The following DZIP3 variants were observed in gnomAD, a reference collection of about 807,000 sequenced individuals.
DZIP3 encodes the protein DAZ interacting zinc finger protein 3, also known as E3 ubiquitin-protein ligase DZIP3.
A neutral mutation model predicts 162.0 loss-of-function variants in DZIP3; 118 were observed. The observed-to-expected ratio is 0.73, with a 90% CI of 0.63 to 0.85. The LOEUF (loss-of-function observed/expected upper bound fraction) is 0.85, where lower values mean the gene tolerates loss of function less well. Among genes scored for constraint, DZIP3 ranks in the 40% least tolerant of loss-of-function variants. The pLI, the probability that DZIP3 is intolerant of heterozygous loss-of-function variation, is 0.00. For missense variants in DZIP3, 1,331 were observed against 1,407.0 expected, an observed-to-expected ratio of 0.95 and a Z score of 0.86; for synonymous variants, 438 against 458.6, an observed-to-expected ratio of 0.96 and a Z score of 0.57.
intron 21 of DZIP3, among the ~76,000 whole-genome samples, chr3:108,667,611 T>C (rs1401113596): frequency 2.0e-5 from 3 of 152,148 alleles, no homozygotes; most frequent in Admixed American, 6.5e-5. Context: ...TATTATACAG[T>C]AGTTTTGCAA....
At chr3:108,677,972 G>A (rs903734466) in intron 26 of DZIP3, among the ~76,000 whole-genome samples, 9 of 151,960 alleles carry the variant, frequency 5.9e-5, no homozygotes, top group Non-Finnish European at 1.3e-4. Flanking sequence ...TGCACAGCAG[G>A]AGGTGAGCAG....
intron 1 of DZIP3, among the ~76,000 whole-genome samples, chr3:108,599,734 T>C (rs567383007): frequency 6.6e-6 from 1 of 152,118 alleles, no homozygotes; most frequent in Non-Finnish European, 1.5e-5. Context: ...GGAGCCTTCA[T>C]GAGCAGGATT....
intron 1 of DZIP3, among the ~76,000 whole-genome samples, chr3:108,590,615 G>T (rs982638281): frequency 6.6e-6 from 1 of 152,220 alleles, no homozygotes; most frequent in Non-Finnish European, 1.5e-5. Context: ...AGTATCCCCT[G>T]CTGCGAGGGA....
chr3:108,686,680 A>C, intron 28 of DZIP3, 96 bp downstream of exon 28: 1 of 1,329,656 alleles, frequency 7.5e-7, no homozygotes, highest in Non-Finnish European at 9.8e-7. Context: ...AAACATAACA[A>C]ACACAAAAAA....
intron 22 of DZIP3, among the ~76,000 whole-genome samples, chr3:108,669,971 T>C (rs933690624): frequency 2.0e-5 from 3 of 151,930 alleles, no homozygotes; most frequent in Admixed American, 1.3e-4. Flanking sequence ...AGAAAACTGC[T>C]AGAAGAATCT....
intron 21 of DZIP3, 78 bp downstream of exon 21, chr3:108,662,335 C>T: frequency 6.9e-7 from 1 of 1,451,168 alleles, no homozygotes; most frequent in South Asian, 1.5e-5. Flanking sequence ...TCTGCATAAC[C>T]ACTAGGTGGC....
chr3:108,685,091 A>G (rs1420920257), intron 27 of DZIP3, among the ~76,000 whole-genome samples: 1 of 152,122 alleles, frequency 6.6e-6, no homozygotes, highest in Non-Finnish European at 1.5e-5. Flanking sequence ...TCCTTTTGAA[A>G]TACATGGTCA....
At chr3:108,653,507 G>GTGTATATATATATA (rs1273159630) in intron 18 of DZIP3, among the ~76,000 whole-genome samples, 61 of 104,558 alleles carry the variant, frequency 5.8e-4, no homozygotes, top group Non-Finnish European at 9.7e-4. Flanking sequence ...GTGTGTGTGT[G>GTGTATATATATATA]TATATATATA....
chr3:108,595,872 C>G (rs1253992800), intron 1 of DZIP3, among the ~76,000 whole-genome samples: 2 of 152,134 alleles, frequency 1.3e-5, no homozygotes, highest in East Asian at 3.9e-4. Flanking sequence ...TCATTCATCT[C>G]CTGTATATTT....
chr3:108,592,559 G>A (rs1939483339), intron 1 of DZIP3, among the ~76,000 whole-genome samples: 1 of 151,884 alleles, frequency 6.6e-6, no homozygotes, highest in Non-Finnish European at 1.5e-5. Flanking sequence ...GATGGGTGTG[G>A]GTGGTGCATG....
intron 7 of DZIP3, 100 bp from the exon 8 acceptor site, chr3:108,628,962 C>T: frequency 1.5e-6 from 1 of 674,652 alleles, no homozygotes; most frequent in Non-Finnish European, 2.5e-6. Flanking sequence ...GTTATCACCA[C>T]CCTATTTACC....
At position 108,616,632 on chromosome 3, in the gene DZIP3, G is replaced by A; in HGVS notation, c.350G>A (p.Arg117Lys). Reference protein sequence around the residue: ...FLITQLEAALRNIQAGNYTAH... With the variant: ...FLITQLEAALKNIQAGNYTAH... Reference sequence around the variant, plus strand: ...ATTACACAGCTAGAAGCAGCACTTAGGAACATTCAAGCTGGCAATTATACC... The same window carrying A: ...ATTACACAGCTAGAAGCAGCACTTAAGAACATTCAAGCTGGCAATTATACC... Residue 117 changes from arginine (R) to lysine (K), a missense_variant, in exon 5 of 33, where the codon AGG becomes AAG. Coordinates refer to ENST00000361582, the MANE Select transcript of DZIP3 (RefSeq NM_014648.4). 2.5e-6 allele frequency: 4 copies of A among 1,597,510 alleles called. No individual in the cohort carries two copies. Among genetic ancestry groups the A allele is most frequent in the Non-Finnish European group, 3.4e-6 (4 of 1,172,930 alleles).
At position 108,611,179 on chromosome 3, in the gene DZIP3, A is replaced by T; in HGVS notation, c.108A>T (p.Lys36Asn). ...TAATCAATAATGTCTTCTAGAACAA[A>T]CAGGAAAATGACATACCTACTGATC... ...KLEKSSGQLN[K>N]QENDIPTDLV... is the part of the protein sequence containing the mutation. The change falls in exon 4 of 33, where the codon AAA becomes AAT. Residue 36 changes from lysine (K) to asparagine (N), a missense_variant. Lys to Asn is a moderately conservative substitution (Grantham distance 94, BLOSUM62 0). Transcript: ENST00000361582. The T allele has an allele frequency of 6.3e-7, 1 of 1,585,706 alleles. No individual in the cohort carries two copies. The highest frequency in any genetic ancestry group is 8.5e-7 in the Non-Finnish European group (1 of 1,172,724).
At position 108,651,500 on chromosome 3, in the gene DZIP3, A is replaced by G. The variant is rs117825449; in HGVS notation, c.2033+338A>G. ...CTAGACCAAACCTCAACTAAGACCTAATTTTAAAGGATGCATCACTCCTAG... is the reference window on the plus strand; with the variant it reads ...CTAGACCAAACCTCAACTAAGACCTGATTTTAAAGGATGCATCACTCCTAG... On this transcript the variant is annotated intron_variant, in intron 18 of 32. Transcript: ENST00000361582. Among the ~76,000 whole-genome samples the G allele has an allele frequency of 1.4e-3, 208 of 151,638 alleles. 3 individuals carry two copies. The East Asian group carries it at 0.038, about 27-fold the overall frequency.
At chr3:108,661,808 A>G in intron 19 of DZIP3, 69 bp from the exon 20 acceptor site, 1 of 1,291,296 alleles carries the variant, frequency 7.7e-7, no homozygotes, top group African/African-American at 1.5e-5. Flanking sequence ...GGCAACTTTA[A>G]ATCCCTTTCA....
At chr3:108,589,699 G>T (rs1346662276), upstream of DZIP3, 3 of 247,846 alleles carry the variant, frequency 1.2e-5, no homozygotes, top group Non-Finnish European at 2.4e-5. Context: ...GAGAGGAATC[G>T]GTTAGGAGAA....
Position 108,688,887 on chromosome 3 carries a change from T to C in DZIP3, c.3479T>C (p.Leu1160Pro). ...CATGAGAATCTGTCTCCAGAAAATC[T>C]TTCAGTTTTGCCTTGCGCTCACAAA... ...ICHENLSPEN[L>P]SVLPCAHKFH... The change falls in exon 31 of 33, where the codon CTT becomes CCT. Residue 1160 changes from leucine (L) to proline (P), a missense_variant. Physicochemically the swap from Leu to Pro is moderately conservative, Grantham distance 98. Transcript: ENST00000361582. 6.2e-7 allele frequency: 1 copy of C among 1,614,196 alleles called. No homozygotes were observed. Among genetic ancestry groups the C allele is most frequent in the South Asian group, 1.1e-5 (1 of 91,076 alleles).
chr3:108,662,058 T>C (rs879550859), intron 20 of DZIP3, 72 bp from the exon 21 acceptor site: 9 of 1,566,432 alleles, frequency 5.7e-6, no homozygotes, highest in Non-Finnish European at 7.8e-6. Context: ...GAAAAGAACT[T>C]AGTTTGCTTT....
chr3:108,664,890 T>C (rs774861058), intron 21 of DZIP3, among the ~76,000 whole-genome samples: 44 of 152,284 alleles, frequency 2.9e-4, no homozygotes, highest in Middle Eastern at 3.4e-3. Context: ...ACATCTCTCG[T>C]CTGCACTGAG....
Sources: gnomAD v4.1 joint callset for allele counts (sites outside exome capture counted in the v4.1 genomes callset) on GRCh38, gnomAD v4.1.1 for gene constraint, MANE v1.5 for transcripts, NCBI Gene and HGNC (gene_info 2026-07-23, HGNC 2026-07-21) for gene names.